Variants in SLC2A13 observed in about 807,000 individuals in gnomAD.
SLC2A13 encodes the protein solute carrier family 2 member 13.
In SLC2A13, 32 loss-of-function variants were observed where a neutral mutation model predicts 64.4. The ratio of observed to expected loss-of-function variants is 0.50; its 90% CI spans 0.37 to 0.67. SLC2A13 has a LOEUF of 0.67. Among genes scored for constraint, SLC2A13 ranks in the 30% least tolerant of loss-of-function variants. SLC2A13 has a pLI of 0.00. For missense variants in SLC2A13, 743 were observed against 829.2 expected (o/e 0.90, Z 1.28); for synonymous variants, 338 against 327.1 (o/e 1.03, Z -0.36).
chr12:39,766,999 G>T (rs990412478), intron 7 of SLC2A13, among the ~76,000 whole-genome samples: 3 of 152,016 alleles, frequency 2.0e-5, no homozygotes, highest in Non-Finnish European at 4.4e-5. Flanking sequence ...TTGGTATTTT[G>T]ACCTCCTCCC....
chr12:39,916,951 T>A (rs1945531018), intron 4 of SLC2A13, among the ~76,000 whole-genome samples: 1 of 152,066 alleles, frequency 6.6e-6, no homozygotes, highest in Non-Finnish European at 1.5e-5. Context: ...CCTTAGGTGA[T>A]CTCCTGAGAC....
At chr12:40,089,106 A>T (rs1462348187) in intron 1 of SLC2A13, among the ~76,000 whole-genome samples, 1 of 152,204 alleles carries the variant, frequency 6.6e-6, no homozygotes, top group Non-Finnish European at 1.5e-5. Context: ...CAAATGGCAG[A>T]ATGAATCACT....
chr12:40,064,577 G>A (rs1948480673), intron 1 of SLC2A13, among the ~76,000 whole-genome samples: 2 of 152,088 alleles, frequency 1.3e-5, no homozygotes, highest in African/African-American at 4.8e-5. Flanking sequence ...GTCCCACAGT[G>A]TTCTCCTGCC....
intron 3 of SLC2A13, among the ~76,000 whole-genome samples, chr12:40,012,896 G>T (rs1242898882): frequency 6.6e-6 from 1 of 152,178 alleles, no homozygotes; most frequent in East Asian, 1.9e-4. Context: ...GGGACTGAAT[G>T]ACAATGCTGT....
At chr12:39,905,734 C>A (rs1945255459) in intron 4 of SLC2A13, among the ~76,000 whole-genome samples, 1 of 149,310 alleles carries the variant, frequency 6.7e-6, no homozygotes, top group Non-Finnish European at 1.5e-5. Context: ...AGGAAGCAAT[C>A]ATGTATATCT....
At chr12:39,799,997 A>G (rs1435838416) in intron 7 of SLC2A13, among the ~76,000 whole-genome samples, 1 of 152,198 alleles carries the variant, frequency 6.6e-6, no homozygotes, top group Non-Finnish European at 1.5e-5. Flanking sequence ...ATGAAGATTG[A>G]TGTCTACCTT....
intron 4 of SLC2A13, among the ~76,000 whole-genome samples, chr12:39,899,089 C>T (rs1403812612): frequency 3.3e-5 from 5 of 151,918 alleles, no homozygotes; most frequent in Admixed American, 6.6e-5. Context: ...TGGTAGAATT[C>T]GGCTGTGAAT....
chr12:39,799,025 C>T (rs1311866448), intron 7 of SLC2A13, among the ~76,000 whole-genome samples: 2 of 150,468 alleles, frequency 1.3e-5, no homozygotes, highest in African/African-American at 4.9e-5. Flanking sequence ...CCATTATCCC[C>T]ACTTCAGATA....
chr12:40,064,208 G>C (rs1948472867), intron 1 of SLC2A13, among the ~76,000 whole-genome samples: 1 of 152,052 alleles, frequency 6.6e-6, no homozygotes. Flanking sequence ...TCGCTCCACT[G>C]TACTCCAGCC....
rs573348211 is a variant in SLC2A13 at position 39,789,214 on chromosome 12, C to A, written c.1446-24356G>T. On this transcript the variant is annotated intron_variant, in intron 7 of 9. Coordinates refer to ENST00000280871, the MANE Select transcript of SLC2A13 (RefSeq NM_052885.4). ...ATCATGAGTTCTGTGTTATTTATATCCTTGTTTTTCTGTATAGGATATTTT... is the reference window on the plus strand; with the variant it reads ...ATCATGAGTTCTGTGTTATTTATATACTTGTTTTTCTGTATAGGATATTTT... Among the ~76,000 whole-genome samples the A allele has an allele frequency of 2.6e-3, 400 of 152,126 alleles. 1 individual carries two copies. The highest frequency in any genetic ancestry group is 4.5e-3 in the Non-Finnish European group (305 of 67,952).
chr12:40,100,019 A>T (rs1264609917), intron 1 of SLC2A13, among the ~76,000 whole-genome samples: 1 of 152,168 alleles, frequency 6.6e-6, no homozygotes, highest in Non-Finnish European at 1.5e-5. Flanking sequence ...GTTGACATTG[A>T]TCTCAACATT....
intron 7 of SLC2A13, among the ~76,000 whole-genome samples, chr12:39,811,596 T>C (rs1442861035): frequency 3.3e-5 from 5 of 152,198 alleles, no homozygotes; most frequent in Non-Finnish European, 7.4e-5. Context: ...TTGTTTAATA[T>C]TCAAATATTT....
At chr12:39,781,783 G>A (rs944829119) in intron 7 of SLC2A13, among the ~76,000 whole-genome samples, 9 of 152,186 alleles carry the variant, frequency 5.9e-5, no homozygotes, top group Non-Finnish European at 1.2e-4. Flanking sequence ...TCTTTAGAAT[G>A]GGTGGAAAGG....
chr12:39,882,121 T>C (rs1390169391), intron 4 of SLC2A13, among the ~76,000 whole-genome samples: 1 of 152,180 alleles, frequency 6.6e-6, no homozygotes, highest in Non-Finnish European at 1.5e-5. Flanking sequence ...TTATCCATCA[T>C]CACTCATTCC....
chr12:39,949,608 T>C (rs1414487089), intron 4 of SLC2A13: 1 of 152,192 alleles, frequency 6.6e-6, no homozygotes, highest in African/African-American at 2.4e-5. Flanking sequence ...CCCCAGTCAC[T>C]ACCCATAAAC....
intron 1 of SLC2A13, among the ~76,000 whole-genome samples, chr12:40,079,579 G>A (rs1938314119): frequency 6.6e-6 from 1 of 152,178 alleles, no homozygotes; most frequent in South Asian, 2.1e-4. Context: ...TGTACATTCT[G>A]TTGTTGTTGG....
At chr12:39,776,359 C>G (rs974355326) in intron 7 of SLC2A13, among the ~76,000 whole-genome samples, 3 of 152,292 alleles carry the variant, frequency 2.0e-5, no homozygotes, top group African/African-American at 7.2e-5. Context: ...TGGTAGTGCT[C>G]CCCTGCAAAA....
intron 4 of SLC2A13, among the ~76,000 whole-genome samples, chr12:39,895,394 G>A (rs949142685): frequency 2.7e-5 from 4 of 150,018 alleles, no homozygotes; most frequent in African/African-American, 9.8e-5. Context: ...GCAGGCTGAG[G>A]CAGGAGAATG....
At chr12:39,918,250 T>TAA (rs371063979) in intron 4 of SLC2A13, among the ~76,000 whole-genome samples, 20 of 152,188 alleles carry the variant, frequency 1.3e-4, no homozygotes, top group African/African-American at 4.6e-4. Flanking sequence ...CTAGCAAGTA[T>TAA]AAACCCCAAG....
Sources: allele counts gnomAD v4.1 joint callset (sites outside exome capture counted in the v4.1 genomes callset), GRCh38; gene constraint gnomAD v4.1.1; transcripts MANE v1.5; gene names NCBI Gene and HGNC (gene_info 2026-07-23, HGNC 2026-07-21).